Variants in BRINP1 observed in about 807,000 individuals in gnomAD.
The protein encoded by BRINP1 is BMP/retinoic acid-inducible neural-specific protein 1.
Under a neutral mutation model 72.9 loss-of-function variants are expected in BRINP1, and 17 were observed. The observed-to-expected ratio is 0.23, with a 90% CI of 0.16 to 0.35. The LOEUF (loss-of-function observed/expected upper bound fraction) is 0.35. Among genes scored for constraint, BRINP1 ranks in the 10% least tolerant of loss-of-function variants. The probability of loss-of-function intolerance (pLI) is 1.00; values close to 1 mark genes in which losing one functional copy is unlikely to be tolerated. For synonymous variants in BRINP1, 418 were observed against 378.5 expected (o/e 1.10, Z -1.21); for missense variants, 850 against 1,001.6 (o/e 0.85, Z 2.04).
At chr9:119,250,142 G>A (rs1041507668) in intron 2 of BRINP1, among the ~76,000 whole-genome samples, 4 of 130,004 alleles carry the variant, frequency 3.1e-5, no homozygotes, top group Non-Finnish European at 6.6e-5. Flanking sequence ...GGGAGGGAGG[G>A]AAGGAGGGAG....
chr9:119,272,987 G>A (rs1830623051), intron 2 of BRINP1, among the ~76,000 whole-genome samples: 1 of 152,152 alleles, frequency 6.6e-6, no homozygotes, highest in African/African-American at 2.4e-5. Flanking sequence ...CCCCATTCCT[G>A]GTCCCCTCCA....
At position 119,242,365 on chromosome 9, in the gene BRINP1, A is replaced by G. The variant is rs996937651; in HGVS notation, c.410-149T>C. 94 of 670,116 alleles carry G rather than the reference A, an allele frequency of 1.4e-4. No homozygotes were observed. In the African/African-American group the frequency reaches 1.5e-3, roughly 11 times the overall value. The allele number at this position is 670,116 out of a possible 1,614,324, so 41.5% of individuals were successfully genotyped here. ...CCTCTAAAAATCAAAGGCACAATGA[A>G]AATAAACTGTCTAGAGGTGGCTGTA... On this transcript the variant is annotated intron_variant, in intron 3 of 7. Transcript: ENST00000265922.
chr9:119,262,595 G>A (rs372813994), intron 2 of BRINP1, among the ~76,000 whole-genome samples: 3 of 146,038 alleles, frequency 2.1e-5, no homozygotes, highest in Admixed American at 7.0e-5. Flanking sequence ...GCAGTGAGCC[G>A]AGATCATGCC....
chr9:119,254,421 T>C (rs1362482791), intron 2 of BRINP1, among the ~76,000 whole-genome samples: 1 of 151,928 alleles, frequency 6.6e-6, no homozygotes, highest in African/African-American at 2.4e-5. Flanking sequence ...CCTGGTGAAA[T>C]AATGTTCCCG....
At chr9:119,299,343 G>T (rs1213255170) in intron 2 of BRINP1, among the ~76,000 whole-genome samples, 1 of 152,170 alleles carries the variant, frequency 6.6e-6, no homozygotes, top group Non-Finnish European at 1.5e-5. Context: ...GCCGGGCGCG[G>T]TGGCTCATGC....
chr9:119,218,299 G>A (rs980717764), intron 5 of BRINP1, among the ~76,000 whole-genome samples: 8 of 151,054 alleles, frequency 5.3e-5, no homozygotes, highest in African/African-American at 1.9e-4. Context: ...CCGCCTCCCG[G>A]GTTCAAGCGA....
At chr9:119,365,510 T>G (rs1216122930) in intron 1 of BRINP1, among the ~76,000 whole-genome samples, 1 of 152,110 alleles carries the variant, frequency 6.6e-6, no homozygotes, top group African/African-American at 2.4e-5. Context: ...CAAGTGATAA[T>G]GTACTGGTGA....
intron 5 of BRINP1, among the ~76,000 whole-genome samples, chr9:119,229,898 TCA>T (rs1564223303): frequency 6.6e-6 from 1 of 152,084 alleles, no homozygotes; most frequent in African/African-American, 2.4e-5. Context: ...TGTCTATATA[TCA>T]GTCTCTGTGT....
intron 2 of BRINP1, chr9:119,282,915 C>T (rs754494961): frequency 1.0e-6 from 1 of 985,286 alleles, no homozygotes; most frequent in Non-Finnish European, 1.2e-6. Flanking sequence ...CTCTATGCCC[C>T]TGGGAGGAAG....
intron 3 of BRINP1, among the ~76,000 whole-genome samples, chr9:119,242,963 G>C (rs1830271473): frequency 7.2e-6 from 1 of 139,318 alleles, no homozygotes; most frequent in African/African-American, 2.8e-5. Context: ...TGTGAACAAG[G>C]GCATGTTTCT....
chr9:119,282,680 G>A (rs1035027182), intron 2 of BRINP1, among the ~76,000 whole-genome samples: 6 of 152,192 alleles, frequency 3.9e-5, no homozygotes, highest in Non-Finnish European at 5.9e-5. Flanking sequence ...AATGCCAGGA[G>A]CTATAACCTT....
At chr9:119,287,923 T>C (rs1235317351) in intron 2 of BRINP1, among the ~76,000 whole-genome samples, 2 of 152,108 alleles carry the variant, frequency 1.3e-5, no homozygotes, top group Non-Finnish European at 2.9e-5. Context: ...AAATAATCTA[T>C]ACAACAAACC....
At chr9:119,317,817 A>G (rs757416521) in intron 1 of BRINP1, among the ~76,000 whole-genome samples, 1 of 152,192 alleles carries the variant, frequency 6.6e-6, no homozygotes, top group Non-Finnish European at 1.5e-5. Flanking sequence ...CCACCAGCAA[A>G]AAGATTTTAA....
intron 1 of BRINP1, among the ~76,000 whole-genome samples, chr9:119,321,213 G>A (rs1447390592): frequency 1.3e-5 from 2 of 152,148 alleles, no homozygotes; most frequent in Non-Finnish European, 1.5e-5. Context: ...TTACAGGCGT[G>A]AGCCACCGCA....
At chr9:119,327,918 A>G (rs1436416320) in intron 1 of BRINP1, among the ~76,000 whole-genome samples, 5 of 152,278 alleles carry the variant, frequency 3.3e-5, no homozygotes, top group Non-Finnish European at 5.9e-5. Context: ...GAGAAAAAAA[A>G]AAGAAGAAGA....
intron 1 of BRINP1, among the ~76,000 whole-genome samples, chr9:119,356,832 A>G (rs1485358102): frequency 6.6e-6 from 1 of 151,404 alleles, no homozygotes; most frequent in African/African-American, 2.4e-5. Flanking sequence ...AAGTTTGTTT[A>G]TGACAGAATG....
chr9:119,268,283 GATA>G (rs1830573412), intron 2 of BRINP1, among the ~76,000 whole-genome samples: 1 of 150,180 alleles, frequency 6.7e-6, no homozygotes, highest in African/African-American at 2.4e-5. Context: ...TAGATAGATA[GATA>G]GATAGATAGA....
At chr9:119,275,533 G>A (rs531545453) in intron 2 of BRINP1, among the ~76,000 whole-genome samples, 1 of 152,256 alleles carries the variant, frequency 6.6e-6, no homozygotes, top group African/African-American at 2.4e-5. Context: ...GAGGTTTCAT[G>A]TACAGTCTTA....
chr9:119,167,921 G>T lies in BRINP1; in HGVS notation c.1449C>A (p.Phe483Leu), dbSNP rs1294395219. Residue 483 changes from phenylalanine (F) to leucine (L), a missense_variant, in exon 8 of 8, where the codon TTC becomes TTA. By Grantham distance (22) the Phe-to-Leu change is conservative. Transcript: ENST00000265922. The surrounding 1 kb of genome is among the most constrained non-coding windows in gnomAD (Gnocchi z 4.3). ...GCAGGTACTTCAGCTCCAGGTCCTG[G>T]AAGTCCAGGTCAGTCTCAAAGCTGA... is the stretch of plus-strand genomic sequence containing the variant. ...QFISFETDLD[F>L]QDLELKYLLQ... is the part of the protein sequence containing the mutation. The T allele has an allele frequency of 6.2e-7, 1 of 1,614,118 alleles. No homozygotes were observed. Among genetic ancestry groups the T allele is most frequent in the Non-Finnish European group, 8.5e-7 (1 of 1,180,056 alleles).
Sources: gnomAD v4.1 joint callset for allele counts (sites outside exome capture counted in the v4.1 genomes callset) on GRCh38, gnomAD v4.1.1 for gene constraint, Gnocchi (gnomAD v3.1) non-coding constraint, MANE v1.5 for transcripts, NCBI Gene and HGNC (gene_info 2026-07-23, HGNC 2026-07-21) for gene names.